The following NSD1 variants were observed in gnomAD, a reference collection of about 807,000 sequenced individuals.
The protein encoded by NSD1 is histone-lysine N-methyltransferase, H3 lysine-36 specific.
In NSD1, 26 loss-of-function variants were observed where a neutral mutation model predicts 242.7. That is an observed-to-expected ratio of 0.11 (90% CI 0.08 to 0.15). The LOEUF (loss-of-function observed/expected upper bound fraction) is 0.15. Among genes scored for constraint, NSD1 ranks in the 10% least tolerant of loss-of-function variants. NSD1 has a pLI of 1.00. For synonymous variants in NSD1, 1,106 were observed against 1,178.1 expected, an observed-to-expected ratio of 0.94 and a Z score of 1.25; for missense variants, 2,495 against 3,272.8, an observed-to-expected ratio of 0.76 and a Z score of 5.80.
At chr5:177,184,568 A>T (rs1303591753) in intron 2 of NSD1, among the ~76,000 whole-genome samples, 1 of 151,872 alleles carries the variant, frequency 6.6e-6, no homozygotes, top group Non-Finnish European at 1.5e-5. Flanking sequence ...TCACTCTGTC[A>T]CTTAGGCTGG....
In NSD1 at chr5:177,295,430, C is replaced by G. The variant is rs745404308; in HGVS notation, c.8062C>G (p.His2688Asp). Reference sequence around the variant, plus strand: ...AGCTCTTAACCAGGCTCCTTCCAGTCACAAGTGTGCAGAATCAGAACAGAA... The same window carrying G: ...AGCTCTTAACCAGGCTCCTTCCAGTGACAAGTGTGCAGAATCAGAACAGAA... ...LPALNQAPSS[H>D]KCAESEQK Residue 2688 changes from histidine (H) to aspartate (D), a missense_variant, in exon 23 of 23, where the codon CAC becomes GAC. His to Asp is a moderately conservative substitution (Grantham distance 81). Coordinates refer to ENST00000439151, the MANE Select transcript of NSD1 (RefSeq NM_022455.5). The surrounding 1 kb of genome is among the most constrained non-coding windows in gnomAD (Gnocchi z 4.3). 1 of 1,614,134 alleles carries G rather than the reference C, an allele frequency of 6.2e-7. No individual in the cohort carries two copies. The highest frequency in any genetic ancestry group is 8.5e-7 in the Non-Finnish European group (1 of 1,179,990).
At chr5:177,159,234 A>G (rs1363281596) in intron 2 of NSD1, among the ~76,000 whole-genome samples, 2 of 150,400 alleles carry the variant, frequency 1.3e-5, no homozygotes, top group Admixed American at 1.3e-4. Context: ...TGAAGGATGA[A>G]TTAAGTCTGC....
At position 177,135,678 on chromosome 5, in the gene NSD1, C is replaced by T. The variant is rs373133265; in HGVS notation, c.575C>T (p.Thr192Ile). Residue 192 changes from threonine to isoleucine, a missense_variant, in exon 2 of 23, where the codon ACC (threonine) becomes ATC (isoleucine). Physicochemically the swap from Thr to Ile is moderately conservative, Grantham distance 89. Around this residue, in one of 19 missense-constraint regions of NSD1, gnomAD observed 376 missense variants for 367.4 expected, o/e 1.02. Coordinates refer to ENST00000439151, the MANE Select transcript of NSD1 (RefSeq NM_022455.5). ...TTTGAGGAAACTCAGACCAATGCCA[C>T]CTGCAATTATGAGACTAAATCAGAG... is the stretch of plus-strand genomic sequence containing the variant. ...EIFEETQTNATCNYETKSENG... is the reference protein window; with the variant it reads ...EIFEETQTNAICNYETKSENG... 6.2e-7 allele frequency: 1 copy of T among 1,614,170 alleles called. No individual in the cohort carries two copies. The highest frequency in any genetic ancestry group is 1.6e-4 in the Middle Eastern group (1 of 6,062).
chr5:177,285,965 G>A (rs1041272008), intron 20 of NSD1, among the ~76,000 whole-genome samples: 3 of 152,054 alleles, frequency 2.0e-5, no homozygotes, highest in South Asian at 2.1e-4. Context: ...GCATGATCTC[G>A]GCTCACTGCA....
intron 16 of NSD1, among the ~76,000 whole-genome samples, chr5:177,273,146 T>C (rs1318631373): frequency 1.3e-5 from 2 of 152,070 alleles, no homozygotes; most frequent in African/African-American, 4.8e-5. Flanking sequence ...TGAAGCGTAG[T>C]TGTTAGGAGA....
intron 5 of NSD1, among the ~76,000 whole-genome samples, chr5:177,223,230 C>T (rs976285353): frequency 3.3e-5 from 5 of 151,766 alleles, no homozygotes; most frequent in South Asian, 4.2e-4. Flanking sequence ...TACAGGCATG[C>T]GCCAGCACGT....
intron 8 of NSD1, among the ~76,000 whole-genome samples, chr5:177,243,699 T>C (rs1766065000): frequency 6.6e-6 from 1 of 152,088 alleles, no homozygotes; most frequent in South Asian, 2.1e-4. Flanking sequence ...GCATTGTTTT[T>C]GTTTTGTTTT....
rs201507053 is a variant in NSD1 at position 177,277,128 on chromosome 5, A to AT, written c.5622+3361dup. Among the ~76,000 whole-genome samples the AT allele has an allele frequency of 9.1e-3, 1,256 of 137,846 alleles. 7 individuals carry two copies. The highest frequency in any genetic ancestry group is 0.027 in the East Asian group (129 of 4,712). The allele number at this position is 137,846 out of a possible 152,430, so 90.4% of individuals were successfully genotyped here. Reference sequence around the variant, plus strand: ...ACTTAGAGGCCAACTTCTTTACTCCATTTTTTTTTTTTTTTTTAATAAACA... The same window carrying AT: ...ACTTAGAGGCCAACTTCTTTACTCCATTTTTTTTTTTTTTTTTTAATAAACA... On this transcript the variant is annotated intron_variant, in intron 17 of 22. Transcript: ENST00000439151.
chr5:177,204,650 A>G (rs1762746671), intron 4 of NSD1, among the ~76,000 whole-genome samples: 1 of 152,114 alleles, frequency 6.6e-6, no homozygotes, highest in Admixed American at 6.6e-5. Flanking sequence ...GCCTTTTAAA[A>G]ATCATTATCT....
rs1264181689 is a variant in NSD1 at position 177,275,398 on chromosome 5, A to G, written c.5622+1614A>G. Among the ~76,000 whole-genome samples, 3 of 142,042 alleles carry G rather than the reference A, an allele frequency of 2.1e-5. No individual in the cohort carries two copies. The South Asian group carries it at 6.6e-4, about 31-fold the overall frequency. The allele number at this position is 142,042 out of a possible 152,430, so 93.2% of individuals were successfully genotyped here. On this transcript the variant is annotated intron_variant, in intron 17 of 22. Coordinates refer to ENST00000439151, the MANE Select transcript of NSD1 (RefSeq NM_022455.5). ...TAAAGTGTGACAGTTTCAGTATTTC[A>G]TCGTGCTTATATGTGATTCCATTGT...
In NSD1 at chr5:177,292,127, A is replaced by G. The variant is rs757619678; in HGVS notation, c.6432A>G (p.Ala2144=). The change falls in exon 22 of 23, where the codon GCA becomes GCG. Residue 2144 remains alanine, a synonymous_variant. Transcript: ENST00000439151. Reference sequence around the variant, plus strand: ...CAGGCTGCCCAAAAGTTTACCACGCAGACTGTCTCAATCTGACCAAGCGAC... The same window carrying G: ...CAGGCTGCCCAAAAGTTTACCACGCGGACTGTCTCAATCTGACCAAGCGAC... ...KKPGCPKVYH[A]DCLNLTKRPA... The G allele has an allele frequency of 2.5e-6, 4 of 1,614,152 alleles. No homozygotes were observed. Among genetic ancestry groups the G allele is most frequent in the Non-Finnish European group, 3.4e-6 (4 of 1,180,022 alleles).
chr5:177,249,756 G>T (rs1328232683), intron 11 of NSD1, among the ~76,000 whole-genome samples: 1 of 152,186 alleles, frequency 6.6e-6, no homozygotes, highest in Non-Finnish European at 1.5e-5. Context: ...CAAAGTGCTG[G>T]GATTACAGGC....
intron 2 of NSD1, among the ~76,000 whole-genome samples, chr5:177,175,815 C>G (rs1054612849): frequency 3.3e-5 from 5 of 151,840 alleles, no homozygotes; most frequent in African/African-American, 7.3e-5. Flanking sequence ...GTGATAGATA[C>G]ATCCTGTTTC....
chr5:177,280,544 T>A (rs1262705141), intron 17 of NSD1, 21 bp from the exon 18 acceptor site: 1 of 1,614,230 alleles, frequency 6.2e-7, no homozygotes, highest in Non-Finnish European at 8.5e-7. Context: ...TTATGCGGTG[T>A]ACTTTGTGTT....
At chr5:177,162,987 A>AG (rs1758880319) in intron 2 of NSD1, among the ~76,000 whole-genome samples, 2 of 152,030 alleles carry the variant, frequency 1.3e-5, no homozygotes, top group African/African-American at 4.8e-5. Flanking sequence ...TTTTTAAAAA[A>AG]TGTTTTCAAG....
At position 177,294,962 on chromosome 5, in the gene NSD1, T is replaced by G; in HGVS notation, c.7594T>G (p.Ser2532Ala). ...PSEDPWQAVK[S>A]LTQARLLSQP... ...AGAGGACCCCTGGCAAGCTGTTAAA[T>G]CACTCACCCAGGCCAGACTTCTTTC... The change falls in exon 23 of 23, where the codon TCA becomes GCA. Residue 2532 changes from serine (S) to alanine (A), a missense_variant. Physicochemically the swap from Ser to Ala is moderately conservative, Grantham distance 99. Coordinates refer to ENST00000439151, the MANE Select transcript of NSD1 (RefSeq NM_022455.5). 1 of 1,614,234 alleles carries G rather than the reference T, an allele frequency of 6.2e-7. No homozygotes were observed. The highest frequency in any genetic ancestry group is 8.5e-7 in the Non-Finnish European group (1 of 1,180,044).
chr5:177,259,958 C>G (rs748920355), intron 13 of NSD1, 31 bp from the exon 14 acceptor site: 8 of 1,613,374 alleles, frequency 5.0e-6, no homozygotes, highest in Non-Finnish European at 6.8e-6. Flanking sequence ...TTTTGTTTTT[C>G]TTTTGCTTGT....
intron 13 of NSD1, among the ~76,000 whole-genome samples, chr5:177,259,204 A>G (rs1756787653): frequency 6.6e-6 from 1 of 152,200 alleles, no homozygotes; most frequent in Non-Finnish European, 1.5e-5. Flanking sequence ...TCCATAGAGG[A>G]TTGAGGAGGT....
chr5:177,288,454 TC>T (rs1759511767), intron 20 of NSD1: 1 of 297,156 alleles, frequency 3.4e-6, no homozygotes, highest in Non-Finnish European at 6.5e-6. Context: ...AAACAGGTTT[TC>T]CTCATACTTG....
Sources: gnomAD v4.1 joint callset for allele counts (sites outside exome capture counted in the v4.1 genomes callset) on GRCh38, gnomAD v4.1.1 for gene constraint, gnomAD v4.1.1 regional missense constraint, Gnocchi (gnomAD v3.1) non-coding constraint, MANE v1.5 for transcripts, NCBI Gene and HGNC (gene_info 2026-07-23, HGNC 2026-07-21) for gene names.